SYK: variants seen among roughly 807,000 people sequenced by gnomAD.
SYK encodes tyrosine-protein kinase SYK.
SYK carries 16 observed loss-of-function variants against 77.8 expected under a neutral mutation model. The ratio of observed to expected loss-of-function variants is 0.21; its 90% CI spans 0.14 to 0.31. The LOEUF (loss-of-function observed/expected upper bound fraction) is 0.31, where lower values mean the gene tolerates loss of function less well. SYK is among the 10% of genes least tolerant of loss of function. The probability of loss-of-function intolerance (pLI) is 1.00; values close to 1 mark genes in which losing one functional copy is unlikely to be tolerated. For synonymous variants in SYK, 312 were observed against 308.7 expected, an observed-to-expected ratio of 1.01 and a Z score of -0.11; for missense variants, 529 against 814.4, an observed-to-expected ratio of 0.65 and a Z score of 4.26.
intron 13 of SYK, among the ~76,000 whole-genome samples, chr9:90,891,400 G>A (rs2118993652): frequency 6.6e-6 from 1 of 152,202 alleles, no homozygotes; most frequent in South Asian, 2.1e-4. Context: ...GCCCGCCTCA[G>A]CCTTGTTGCC....
At chr9:90,817,234 T>C (rs1315917318) in intron 1 of SYK, among the ~76,000 whole-genome samples, 1 of 152,224 alleles carries the variant, frequency 6.6e-6, no homozygotes, top group Non-Finnish European at 1.5e-5. Context: ...AGATGCTCTT[T>C]TAACCCCTGT....
chr9:90,853,187 G>A (rs921707212), intron 3 of SYK, among the ~76,000 whole-genome samples: 7 of 148,992 alleles, frequency 4.7e-5, no homozygotes, highest in South Asian at 2.3e-4. Flanking sequence ...TAGGAGGAGG[G>A]ACAACATGGT....
chr9:90,821,948 T>G (rs1464083088), intron 1 of SYK, among the ~76,000 whole-genome samples: 1 of 152,100 alleles, frequency 6.6e-6, no homozygotes, highest in East Asian at 1.9e-4. Context: ...CCAATGGTAG[T>G]GCATCAACAA....
intron 1 of SYK, among the ~76,000 whole-genome samples, chr9:90,842,485 GTGTGTA>G (rs1250960770): frequency 6.6e-6 from 1 of 151,480 alleles, no homozygotes; most frequent in Admixed American, 6.6e-5. Flanking sequence ...TATGTAGTTT[GTGTGTA>G]TGTGTATGTG....
chr9:90,896,976 A>G lies in SYK; in HGVS notation c.*1376A>G, dbSNP rs200689319. ...CAGGAAACGGAGGTCGCAGTGAGCC[A>G]AGATCATGCCACTGCACTCCAGCTT... On this transcript the variant is annotated 3_prime_UTR_variant, in exon 14 of 14. Transcript: ENST00000375754. 194 of 202,452 alleles carry G rather than the reference A, an allele frequency of 9.6e-4. No individual in the cohort carries two copies. Among genetic ancestry groups the G allele is most frequent in the Middle Eastern group, 5.0e-3 (3 of 604 alleles). The allele number at this position is 202,452 out of a possible 1,614,324, so 12.5% of individuals were successfully genotyped here.
chr9:90,885,383 T>TA (rs1357723286), intron 11 of SYK, among the ~76,000 whole-genome samples: 3 of 151,924 alleles, frequency 2.0e-5, no homozygotes, highest in African/African-American at 7.3e-5. Context: ...TTGAATGCAA[T>TA]AAAAAATACA....
At position 90,878,956 on chromosome 9, in the gene SYK, A is replaced by C; in HGVS notation, c.1581+3A>C. The C allele has an allele frequency of 1.2e-6, 2 of 1,600,108 alleles. No homozygotes were observed. The highest frequency in any genetic ancestry group is 1.7e-6 in the Non-Finnish European group (2 of 1,168,036). On this transcript the variant is annotated splice_donor_region_variant and intron_variant, in intron 11 of 13. Transcript: ENST00000375754. ...GTGCTGATGAAAACTACTACAAGGTAAGTACAACTTAGCTAATATTCAGAG... is the reference window on the plus strand; with the variant it reads ...GTGCTGATGAAAACTACTACAAGGTCAGTACAACTTAGCTAATATTCAGAG...
intron 3 of SYK, among the ~76,000 whole-genome samples, chr9:90,846,034 T>A (rs75545789): frequency 0.035 from 5,316 of 152,320 alleles, 302 homozygotes; most frequent in African/African-American, 0.12. Context: ...AAGGAAAAGT[T>A]CCTGGGAGTA....
At chr9:90,893,278 G>A (rs1828866412) in intron 13 of SYK, among the ~76,000 whole-genome samples, 2 of 152,112 alleles carry the variant, frequency 1.3e-5, no homozygotes, top group South Asian at 2.1e-4. Flanking sequence ...GCCCTCTCGT[G>A]TCGAAGTAGT....
In SYK at chr9:90,895,516, C is replaced by T; in HGVS notation, c.1836-12C>T. 1 of 1,613,874 alleles carries T rather than the reference C, an allele frequency of 6.2e-7. No individual in the cohort carries two copies. Among genetic ancestry groups the T allele is most frequent in the Non-Finnish European group, 8.5e-7 (1 of 1,179,904 alleles). ...CACATTGACAAACAAGAATGCATCTCTTCCATTCCAGTGTGGAAAACAGGC... is the reference window on the plus strand; with the variant it reads ...CACATTGACAAACAAGAATGCATCTTTTCCATTCCAGTGTGGAAAACAGGC... On this transcript the variant is annotated splice_polypyrimidine_tract_variant and intron_variant, in intron 13 of 13. Coordinates refer to ENST00000375754, the MANE Select transcript of SYK (RefSeq NM_003177.7). This position sits in a 1 kb window ranked among gnomAD's most constrained non-coding sequence, Gnocchi z 4.4.
Position 90,815,911 on chromosome 9 carries a change from T to G in SYK, c.-42+14018T>G, listed in dbSNP as rs568368650. On this transcript the variant is annotated intron_variant, in intron 1 of 13. Transcript: ENST00000375754. Reference sequence around the variant, plus strand: ...TCTAGATAATTCTAGAGCAACTGCTTCTCTATCTGGCTGTATGCTAAGCTC... The same window carrying G: ...TCTAGATAATTCTAGAGCAACTGCTGCTCTATCTGGCTGTATGCTAAGCTC... Among the ~76,000 whole-genome samples the G allele has an allele frequency of 7.2e-5, 11 of 152,344 alleles. No homozygotes were observed. The South Asian group carries it at 2.1e-3, about 29-fold the overall frequency.
intron 1 of SYK, among the ~76,000 whole-genome samples, chr9:90,830,678 C>T (rs1411991522): frequency 1.3e-5 from 2 of 151,480 alleles, no homozygotes; most frequent in African/African-American, 4.9e-5. Context: ...CTCCGCCTCC[C>T]AGGTTCATGC....
intron 1 of SYK, among the ~76,000 whole-genome samples, chr9:90,811,311 G>A (rs1825062167): frequency 6.6e-6 from 1 of 152,098 alleles, no homozygotes; most frequent in Non-Finnish European, 1.5e-5. Flanking sequence ...TAAGAAAAAA[G>A]ACACAGATGG....
intron 13 of SYK, among the ~76,000 whole-genome samples, chr9:90,891,118 C>T (rs1371979110): frequency 2.7e-5 from 4 of 150,422 alleles, no homozygotes; most frequent in East Asian, 2.0e-4. Context: ...TGAGGTCTCT[C>T]CTTGGCCGAC....
At chr9:90,887,600 T>C (rs1175427528) in intron 11 of SYK, 149 bp from the exon 12 acceptor site, 6 of 833,940 alleles carry the variant, frequency 7.2e-6, no homozygotes, top group Admixed American at 6.1e-5. Context: ...GAGATGGGGT[T>C]TCCTCTTGGC....
At chr9:90,805,401 A>C (rs1371236003) in intron 1 of SYK, among the ~76,000 whole-genome samples, 1 of 152,154 alleles carries the variant, frequency 6.6e-6, no homozygotes, top group Non-Finnish European at 1.5e-5. Context: ...TGCAGATGAG[A>C]GATGTCTTGA....
intron 1 of SYK, among the ~76,000 whole-genome samples, chr9:90,813,896 C>G (rs1159619391): frequency 6.6e-6 from 1 of 152,180 alleles, no homozygotes; most frequent in African/African-American, 2.4e-5. Flanking sequence ...GTCCTCCACT[C>G]TCACATCCCC....
chr9:90,807,659 A>C (rs934761578), intron 1 of SYK, among the ~76,000 whole-genome samples: 1 of 152,222 alleles, frequency 6.6e-6, no homozygotes, highest in Admixed American at 6.5e-5. Flanking sequence ...TACAATTGCC[A>C]AAGTTAGTTT....
chr9:90,844,416 C>A, intron 2 of SYK, 101 bp downstream of exon 2: 4 of 1,293,128 alleles, frequency 3.1e-6, no homozygotes, highest in Non-Finnish European at 4.1e-6. Flanking sequence ...GCCCTGTGTG[C>A]CCAAATAACA....
Sources: allele counts gnomAD v4.1 joint callset (sites outside exome capture counted in the v4.1 genomes callset), GRCh38; gene constraint gnomAD v4.1.1; non-coding constraint Gnocchi (gnomAD v3.1); transcripts MANE v1.5; gene names NCBI Gene and HGNC (gene_info 2026-07-23, HGNC 2026-07-21).